The following NRXN3 variants were observed in gnomAD, a reference collection of about 807,000 sequenced individuals.
NRXN3 encodes the protein neurexin 3, also known as neurexin III.
In NRXN3, 32 loss-of-function variants were observed where a neutral mutation model predicts 137.6. The ratio of observed to expected loss-of-function variants is 0.23; its 90% CI spans 0.18 to 0.31. The LOEUF is 0.31. Among genes scored for constraint, NRXN3 ranks in the 10% least tolerant of loss-of-function variants. NRXN3 has a pLI of 1.00. For synonymous variants in NRXN3, 798 were observed against 784.5 expected, an observed-to-expected ratio of 1.02 and a Z score of -0.29; for missense variants, 1,574 against 2,062.5, an observed-to-expected ratio of 0.76 and a Z score of 4.59.
At chr14:79,173,368 C>G (rs1172953772) in intron 15 of NRXN3, among the ~76,000 whole-genome samples, 1 of 151,530 alleles carries the variant, frequency 6.6e-6, no homozygotes, top group African/African-American at 2.4e-5. Flanking sequence ...TATCTTTACA[C>G]AGGCACACAC....
intron 4 of NRXN3, among the ~76,000 whole-genome samples, chr14:78,389,432 G>T (rs920493974): frequency 2.0e-5 from 3 of 152,172 alleles, no homozygotes; most frequent in African/African-American, 7.2e-5. Flanking sequence ...CCTGCAGAGC[G>T]TGAAAGCCAA....
chr14:78,939,087 C>T (rs907019039), intron 10 of NRXN3, among the ~76,000 whole-genome samples: 3 of 151,804 alleles, frequency 2.0e-5, no homozygotes, highest in South Asian at 2.1e-4. Context: ...CCTCGTGATC[C>T]GCCCGCCTCG....
chr14:78,776,572 A>G (rs1290293405), intron 8 of NRXN3, among the ~76,000 whole-genome samples: 1 of 152,206 alleles, frequency 6.6e-6, no homozygotes, highest in Non-Finnish European at 1.5e-5. Flanking sequence ...GTGTACAGAC[A>G]TGAGATCTGT....
intron 4 of NRXN3, among the ~76,000 whole-genome samples, chr14:78,395,477 T>C (rs1361063505): frequency 1.3e-5 from 2 of 151,950 alleles, no homozygotes; most frequent in Non-Finnish European, 2.9e-5. Context: ...AAAAAATGTG[T>C]ATTCTTTTAC....
At chr14:78,634,117 T>A (rs1032112486) in intron 4 of NRXN3, among the ~76,000 whole-genome samples, 5 of 152,238 alleles carry the variant, frequency 3.3e-5, no homozygotes, top group Non-Finnish European at 7.3e-5. Flanking sequence ...TCCAGCCTTG[T>A]TTGACTCTCT....
intron 1 of NRXN3, among the ~76,000 whole-genome samples, chr14:78,215,234 C>A (rs894382605): frequency 2.0e-5 from 3 of 152,118 alleles, no homozygotes; most frequent in African/African-American, 7.2e-5. Flanking sequence ...TAGATGAGAT[C>A]TTTTTATGTA....
rs138827596 is a variant in NRXN3, at chr14:79,177,064, A to C, written c.3262+188923A>C. On this transcript the variant is annotated intron_variant, in intron 15 of 20. Transcript: ENST00000335750. ...GCTCTAGAGAAAAATATTTTTTAAG[A>C]GTTGTATAGGATAAGATGAAGGTGA... Among the ~76,000 whole-genome samples the C allele has an allele frequency of 6.6e-5, 10 of 152,346 alleles. No individual in the cohort carries two copies. In the East Asian group the frequency reaches 1.9e-3, roughly 29 times the overall value.
chr14:78,179,193 G>C (rs1480902869), intron 1 of NRXN3, among the ~76,000 whole-genome samples: 2 of 152,134 alleles, frequency 1.3e-5, no homozygotes, highest in Non-Finnish European at 1.5e-5. Flanking sequence ...CAGGATAAAG[G>C]GTGGGAAGGG....
intron 1 of NRXN3, among the ~76,000 whole-genome samples, chr14:78,228,906 G>A (rs989590052): frequency 6.6e-6 from 1 of 152,152 alleles, no homozygotes; most frequent in African/African-American, 2.4e-5. Flanking sequence ...ATTTACTGAT[G>A]GTTCCCTCAT....
At chr14:79,614,774 A>G (rs1274538166) in intron 16 of NRXN3, among the ~76,000 whole-genome samples, 6 of 152,148 alleles carry the variant, frequency 3.9e-5, no homozygotes, top group Non-Finnish European at 1.5e-5. Context: ...GCGGGATTTC[A>G]TTACCAGAAT....
chr14:78,173,783 TAGG>T (rs1449151723), intron 1 of NRXN3, among the ~76,000 whole-genome samples: 1 of 139,104 alleles, frequency 7.2e-6, no homozygotes, highest in Non-Finnish European at 1.6e-5. Flanking sequence ...AGCCTTCTGA[TAGG>T]AGGGCAAAGT....
chr14:78,911,383 C>G (rs1402704091), intron 10 of NRXN3, among the ~76,000 whole-genome samples: 2 of 152,128 alleles, frequency 1.3e-5, no homozygotes, highest in Non-Finnish European at 2.9e-5. Context: ...TTGTCTGTAT[C>G]TATATACAAG....
intron 15 of NRXN3, among the ~76,000 whole-genome samples, chr14:79,337,264 AAGG>A (rs1200285323): frequency 6.6e-6 from 1 of 152,204 alleles, no homozygotes; most frequent in Non-Finnish European, 1.5e-5. Context: ...TGTTGAATGA[AAGG>A]AGTTAATTAT....
chr14:78,208,711 T>G (rs2062446942), intron 1 of NRXN3, among the ~76,000 whole-genome samples: 1 of 152,178 alleles, frequency 6.6e-6, no homozygotes, highest in African/African-American at 2.4e-5. Context: ...CTGAGCCTCA[T>G]CTGTAAGATA....
At chr14:78,721,507 G>A (rs2098459580) in intron 8 of NRXN3, among the ~76,000 whole-genome samples, 1 of 152,142 alleles carries the variant, frequency 6.6e-6, no homozygotes, top group Non-Finnish European at 1.5e-5. Context: ...AAAGGTGAAT[G>A]AAGGGCAGCA....
At chr14:78,199,469 A>G (rs2061491532) in intron 1 of NRXN3, among the ~76,000 whole-genome samples, 1 of 152,182 alleles carries the variant, frequency 6.6e-6, no homozygotes, top group African/African-American at 2.4e-5. Flanking sequence ...ACACATCTGT[A>G]TATTTTTTTA....
chr14:78,554,288 G>A (rs542042607), intron 4 of NRXN3, among the ~76,000 whole-genome samples: 105 of 152,264 alleles, frequency 6.9e-4, no homozygotes, highest in South Asian at 1.2e-3. Context: ...ACCAAGCGAG[G>A]TGCCATTGGA....
At chr14:78,502,160 T>A (rs1180189921) in intron 4 of NRXN3, among the ~76,000 whole-genome samples, 2 of 152,144 alleles carry the variant, frequency 1.3e-5, no homozygotes, top group Admixed American at 6.5e-5. Context: ...TTGAGAGGCC[T>A]GTCCATCTCC....
At chr14:78,626,853 A>T (rs2097464181) in intron 4 of NRXN3, among the ~76,000 whole-genome samples, 1 of 152,222 alleles carries the variant, frequency 6.6e-6, no homozygotes, top group Non-Finnish European at 1.5e-5. Flanking sequence ...GGGCTCACAG[A>T]GAGTGGAGAA....
Sources: gnomAD v4.1 joint callset for allele counts (sites outside exome capture counted in the v4.1 genomes callset) on GRCh38, gnomAD v4.1.1 for gene constraint, MANE v1.5 for transcripts, NCBI Gene and HGNC (gene_info 2026-07-23, HGNC 2026-07-21) for gene names.